The following DPP6 variants were observed in gnomAD, a reference collection of about 807,000 sequenced individuals.
DPP6 encodes the protein A-type potassium channel modulatory protein DPP6.
A neutral mutation model predicts 122.6 loss-of-function variants in DPP6; 69 were observed. The ratio of observed to expected loss-of-function variants is 0.56; its 90% confidence interval spans 0.46 to 0.69. The LOEUF is 0.69. DPP6 is among the 30% of genes least tolerant of loss of function. DPP6 has a pLI of 0.00. For missense variants in DPP6, 928 were observed against 1,116.9 expected, an observed-to-expected ratio of 0.83 and a Z score of 2.41; for synonymous variants, 418 against 433.1, an observed-to-expected ratio of 0.97 and a Z score of 0.43.
intron 1 of DPP6, among the ~76,000 whole-genome samples, chr7:153,915,943 T>TTTTATTTATTTATTTA (rs141267507): frequency 8.2e-4 from 121 of 147,078 alleles, no homozygotes; most frequent in African/African-American, 2.8e-3. Context: ...CTCCTCTGAT[T>TTTTATTTATTTATTTA]TTTATTTATT....
intron 6 of DPP6, among the ~76,000 whole-genome samples, chr7:154,663,897 G>T (rs58322057): frequency 0.041 from 4,075 of 99,600 alleles, 35 homozygotes; most frequent in African/African-American, 0.11. Context: ...ATATAGTCAT[G>T]GTGAATCACC....
At chr7:154,097,334 A>G (rs1805399097) in intron 1 of DPP6, among the ~76,000 whole-genome samples, 1 of 152,232 alleles carries the variant, frequency 6.6e-6, no homozygotes, top group Admixed American at 6.5e-5. Context: ...AGCAGCAGCA[A>G]TGATCGCTTA....
At chr7:153,772,371 A>C in the DPP6 span, among the ~76,000 whole-genome samples, 2 of 152,206 alleles carry the variant, frequency 1.3e-5, no homozygotes, top group Admixed American at 1.3e-4. Context: ...GGTGTGAGGC[A>C]CCACGCCCCG....
At chr7:154,706,500 C>T (rs1408854684) in intron 7 of DPP6, among the ~76,000 whole-genome samples, 1 of 152,188 alleles carries the variant, frequency 6.6e-6, no homozygotes, top group African/African-American at 2.4e-5. Context: ...TAGTCAGCCC[C>T]TGGAGGCTCA....
chr7:154,541,197 A>G (rs1192856691), intron 4 of DPP6, among the ~76,000 whole-genome samples: 1 of 152,056 alleles, frequency 6.6e-6, no homozygotes, highest in Admixed American at 6.5e-5. Context: ...TGGTGCAATC[A>G]TGGCTCATTT....
At chr7:154,826,561 G>A (rs768570390) in intron 16 of DPP6, among the ~76,000 whole-genome samples, 4 of 152,174 alleles carry the variant, frequency 2.6e-5, no homozygotes, top group Non-Finnish European at 4.4e-5. Context: ...GATGAAAATC[G>A]AGAGGGTTTC....
chr7:153,941,483 C>T (rs1052829831), intron 1 of DPP6, among the ~76,000 whole-genome samples: 13 of 152,142 alleles, frequency 8.5e-5, no homozygotes, highest in Admixed American at 7.2e-4. Context: ...AGGCCTGGAT[C>T]CCACAGCCAT....
At chr7:154,553,340 A>G (rs78097819) in intron 4 of DPP6, among the ~76,000 whole-genome samples, 6,147 of 152,238 alleles carry the variant, frequency 0.04, 421 homozygotes, top group African/African-American at 0.14. Context: ...TCATGGGTGG[A>G]GAGATGTCAA....
In DPP6 at chr7:154,795,838, A is replaced by G. The variant is rs192000558; in HGVS notation, c.1261-7A>G. ...CCCTCTTGTCTAATGCTCTCATTTC[A>G]TTTCAGAAACACGAGGATGAAAGTG... On this transcript the variant is annotated splice_region_variant and splice_polypyrimidine_tract_variant and intron_variant, in intron 11 of 25. Transcript: ENST00000377770. 229 of 1,610,870 alleles carry G rather than the reference A, an allele frequency of 1.4e-4. No individual in the cohort carries two copies. The African/African-American group carries it at 1.5e-3, about 11-fold the overall frequency.
chr7:154,584,490 A>G (rs1832301068), intron 5 of DPP6, among the ~76,000 whole-genome samples: 1 of 152,184 alleles, frequency 6.6e-6, no homozygotes, highest in Admixed American at 6.5e-5. Context: ...TCCACAATAG[A>G]GCCTCGAGAA....
chr7:153,958,211 C>T (rs1795156529), intron 1 of DPP6, among the ~76,000 whole-genome samples: 1 of 152,104 alleles, frequency 6.6e-6, no homozygotes, highest in African/African-American at 2.4e-5. Context: ...TAGACAATGG[C>T]TTGAACACAA....
chr7:154,513,997 G>A (rs575375705), intron 3 of DPP6, among the ~76,000 whole-genome samples: 1 of 152,306 alleles, frequency 6.6e-6, no homozygotes, highest in South Asian at 2.1e-4. Context: ...TTAGAGGGCT[G>A]GGCACGGTGG....
chr7:154,279,997 A>G (rs1287617298), intron 1 of DPP6, among the ~76,000 whole-genome samples: 3 of 152,224 alleles, frequency 2.0e-5, no homozygotes, highest in East Asian at 3.9e-4. Flanking sequence ...TATAACTTGA[A>G]GTAAATGTTG....
chr7:154,270,736 G>C (rs1309332749), intron 1 of DPP6, among the ~76,000 whole-genome samples: 1 of 152,258 alleles, frequency 6.6e-6, no homozygotes, highest in African/African-American at 2.4e-5. Flanking sequence ...CTGCAGAACA[G>C]GGGATGACTT....
chr7:154,151,073 G>A (rs540052669), intron 1 of DPP6, among the ~76,000 whole-genome samples: 1 of 152,162 alleles, frequency 6.6e-6, no homozygotes, highest in Non-Finnish European at 1.5e-5. Flanking sequence ...ACCATTGTCC[G>A]TGCATAGCAA....
chr7:153,953,145 CT>C (rs1404640132), intron 1 of DPP6, among the ~76,000 whole-genome samples: 11 of 152,226 alleles, frequency 7.2e-5, no homozygotes, highest in African/African-American at 2.6e-4. Flanking sequence ...CTACCATTAT[CT>C]TTTAAAAAAA....
intron 1 of DPP6, among the ~76,000 whole-genome samples, chr7:154,013,219 A>G (rs12155462): frequency 6.6e-6 from 1 of 152,096 alleles, no homozygotes; most frequent in Non-Finnish European, 1.5e-5. Context: ...CACTTGCTTT[A>G]TATATTTCCC....
At chr7:154,741,184 C>T (rs10250396) in intron 8 of DPP6, among the ~76,000 whole-genome samples, 7,357 of 152,282 alleles carry the variant, frequency 0.048, 416 homozygotes, top group African/African-American at 0.13. Context: ...CTGGGAAGGT[C>T]ATGCTCTTCT....
intron 1 of DPP6, among the ~76,000 whole-genome samples, chr7:153,909,597 G>T (rs7788067): frequency 0.053 from 8,095 of 152,094 alleles, 265 homozygotes; most frequent in South Asian, 0.11. Context: ...TCTTACCACT[G>T]CATGGAAGAA....
Sources: allele counts gnomAD v4.1 joint callset (sites outside exome capture counted in the v4.1 genomes callset), GRCh38; gene constraint gnomAD v4.1.1; transcripts MANE v1.5; gene names NCBI Gene and HGNC (gene_info 2026-07-23, HGNC 2026-07-21).